The following RSF1 variants were observed in gnomAD, a reference collection of about 807,000 sequenced individuals.
RSF1 encodes remodeling and spacing factor 1.
A neutral mutation model predicts 145.2 loss-of-function variants in RSF1; 13 were observed. The observed-to-expected ratio is 0.09, with a 90% CI of 0.06 to 0.14. The LOEUF (loss-of-function observed/expected upper bound fraction) is 0.14. Among genes scored for constraint, RSF1 ranks in the 10% least tolerant of loss-of-function variants. The pLI is 1.00. For synonymous variants in RSF1, 577 were observed against 592.6 expected (o/e 0.97, Z 0.38); for missense variants, 1,517 against 1,718.2 (o/e 0.88, Z 2.07).
chr11:77,731,181 G>A (rs1017547743), intron 4 of RSF1, among the ~76,000 whole-genome samples: 2 of 152,170 alleles, frequency 1.3e-5, no homozygotes, highest in Non-Finnish European at 2.9e-5. Context: ...AATGAGATGA[G>A]GAACTTGTTC....
chr11:77,741,756 A>G (rs1316299641), intron 3 of RSF1, among the ~76,000 whole-genome samples: 1 of 152,108 alleles, frequency 6.6e-6, no homozygotes, highest in Non-Finnish European at 1.5e-5. Flanking sequence ...ATATATTGTT[A>G]TTATCTATAG....
chr11:77,848,211 G>T, the RSF1 span, among the ~76,000 whole-genome samples: 2 of 152,186 alleles, frequency 1.3e-5, no homozygotes, highest in Non-Finnish European at 2.9e-5. Context: ...TCTGACAAAG[G>T]TTATCCAGAC....
At chr11:77,684,261 C>A (rs990235057) in intron 10 of RSF1, among the ~76,000 whole-genome samples, 10 of 152,310 alleles carry the variant, frequency 6.6e-5, no homozygotes, top group Non-Finnish European at 1.3e-4. Flanking sequence ...CACATTTTTA[C>A]AAATTGCAAA....
intron 5 of RSF1, among the ~76,000 whole-genome samples, chr11:77,716,100 C>A (rs773152157): frequency 4.9e-4 from 74 of 150,252 alleles, no homozygotes; most frequent in Non-Finnish European, 4.9e-4. Context: ...TGGTTATTAT[C>A]AAAGACAAGA....
rs193125913 is a variant in RSF1 at position 77,734,434 on chromosome 11, C to G, written c.578+6297G>C. Reference sequence around the variant, plus strand: ...AACATGCATGCACTGCCTTGGTGACCAGGGAAGTCACCCCACGGCTACGGG... The same window carrying G: ...AACATGCATGCACTGCCTTGGTGACGAGGGAAGTCACCCCACGGCTACGGG... On this transcript the variant is annotated intron_variant, in intron 4 of 15. Transcript: ENST00000308488. 344 of 1,408,184 alleles carry G rather than the reference C, an allele frequency of 2.4e-4. 1 individual carries two copies. The African/African-American group carries it at 4.4e-3, about 18-fold the overall frequency. The allele number at this position is 1,408,184 out of a possible 1,614,324, so 87.2% of individuals were successfully genotyped here.
At chr11:77,745,382 CT>C (rs1260853616) in intron 3 of RSF1, among the ~76,000 whole-genome samples, 4 of 151,848 alleles carry the variant, frequency 2.6e-5, no homozygotes, top group African/African-American at 4.8e-5. Flanking sequence ...GATCTTTCTT[CT>C]TTTTTAATAT....
intron 2 of RSF1, among the ~76,000 whole-genome samples, chr11:77,749,435 C>T (rs375460892): frequency 6.6e-5 from 10 of 152,256 alleles, no homozygotes; most frequent in African/African-American, 2.4e-4. Flanking sequence ...ATAACGTTGG[C>T]TGACTATCCC....
intron 1 of RSF1, among the ~76,000 whole-genome samples, chr11:77,777,766 C>A (rs1050177865): frequency 3.3e-5 from 5 of 152,016 alleles, no homozygotes; most frequent in Non-Finnish European, 7.4e-5. Flanking sequence ...AGGAGGACTG[C>A]ATCAACCCAG....
the RSF1 span, among the ~76,000 whole-genome samples, chr11:77,847,947 T>C: frequency 6.6e-6 from 1 of 152,092 alleles, no homozygotes; most frequent in Non-Finnish European, 1.5e-5. Context: ...CCAGTTAAAA[T>C]GGTGAGGCAG....
intron 1 of RSF1, chr11:77,813,603 G>A (rs1003315302): frequency 1.1e-5 from 7 of 637,304 alleles, no homozygotes; most frequent in African/African-American, 5.4e-5. Flanking sequence ...GTTGCGGCTC[G>A]TTAGAGTGAT....
chr11:77,748,414 G>A (rs775840038), intron 2 of RSF1, among the ~76,000 whole-genome samples: 3 of 151,562 alleles, frequency 2.0e-5, no homozygotes, highest in Non-Finnish European at 4.4e-5. Flanking sequence ...TTGTAGAGAC[G>A]GGGTTTCTTC....
intron 3 of RSF1, among the ~76,000 whole-genome samples, chr11:77,745,059 T>TG (rs1246176221): frequency 6.6e-6 from 1 of 152,092 alleles, no homozygotes. Context: ...TATATCCATT[T>TG]TTTTCTATAT....
intron 3 of RSF1, among the ~76,000 whole-genome samples, chr11:77,745,134 G>A (rs1313046904): frequency 6.6e-6 from 1 of 151,980 alleles, no homozygotes; most frequent in Non-Finnish European, 1.5e-5. Context: ...TGGTTATAAT[G>A]TCTCCACTTT....
the RSF1 span, among the ~76,000 whole-genome samples, chr11:77,845,631 T>C: frequency 6.6e-6 from 1 of 152,140 alleles, no homozygotes; most frequent in Middle Eastern, 3.2e-3. Flanking sequence ...GGTTTTACCA[T>C]GTTGGCCAGG....
intron 5 of RSF1, 47 bp downstream of exon 5, chr11:77,725,498 T>C: frequency 7.1e-7 from 1 of 1,407,192 alleles, no homozygotes; most frequent in Non-Finnish European, 9.4e-7. Context: ...TGGAAGAATA[T>C]GGAAGAGATT....
At chr11:77,838,576 G>A in the RSF1 span, among the ~76,000 whole-genome samples, 1 of 148,858 alleles carries the variant, frequency 6.7e-6, no homozygotes. Flanking sequence ...ATAGTCATCT[G>A]CTTCTGTTTC....
intron 2 of RSF1, among the ~76,000 whole-genome samples, chr11:77,747,985 C>A (rs545027413): frequency 7.2e-5 from 11 of 152,000 alleles, no homozygotes; most frequent in Non-Finnish European, 1.5e-4. Context: ...TAACGAGGGC[C>A]AAAGGAGAAG....
At chr11:77,782,275 T>C (rs1948411462) in intron 1 of RSF1, among the ~76,000 whole-genome samples, 1 of 152,340 alleles carries the variant, frequency 6.6e-6, no homozygotes, top group African/African-American at 2.4e-5. Flanking sequence ...AAGTGGTGGC[T>C]CACGCCTGTA....
intron 9 of RSF1, among the ~76,000 whole-genome samples, chr11:77,690,026 G>C (rs540422118): frequency 6.6e-6 from 1 of 152,186 alleles, no homozygotes; most frequent in South Asian, 2.1e-4. Flanking sequence ...GCCAGGCGTG[G>C]TGGCGGGTGC....
Sources: allele counts gnomAD v4.1 joint callset (sites outside exome capture counted in the v4.1 genomes callset), GRCh38; gene constraint gnomAD v4.1.1; transcripts MANE v1.5; gene names NCBI Gene and HGNC (gene_info 2026-07-23, HGNC 2026-07-21).